ARHGEF11: variants seen among roughly 807,000 people sequenced by gnomAD.
ARHGEF11 encodes the protein Rho guanine exchange factor (GEF) 11.
In ARHGEF11, 55 loss-of-function variants were observed where a neutral mutation model predicts 193.7. That is an observed-to-expected ratio of 0.28 (90% CI 0.23 to 0.36). ARHGEF11 has a LOEUF of 0.36. ARHGEF11 is among the 10% of genes least tolerant of loss of function. The pLI, the probability that ARHGEF11 is intolerant of heterozygous loss-of-function variation, is 1.00. For synonymous variants in ARHGEF11, 693 were observed against 768.0 expected (o/e 0.90, Z 1.62); for missense variants, 1,723 against 2,005.6 (o/e 0.86, Z 2.69).
intron 1 of ARHGEF11, among the ~76,000 whole-genome samples, chr1:157,034,891 G>A (rs541973636): frequency 2.0e-4 from 30 of 152,332 alleles, no homozygotes; most frequent in Middle Eastern, 3.4e-3. Flanking sequence ...ATATAAAGGT[G>A]TAGGGTTTGG....
chr1:156,984,924 A>C (rs1003361578), intron 2 of ARHGEF11, among the ~76,000 whole-genome samples: 5 of 151,988 alleles, frequency 3.3e-5, no homozygotes, highest in African/African-American at 1.2e-4. Context: ...ATGCAGGGTG[A>C]CTTAGGAGTG....
chr1:156,955,615 G>A (rs1659838540), intron 20 of ARHGEF11, 88 bp downstream of exon 20: 1 of 1,036,732 alleles, frequency 9.6e-7, no homozygotes, highest in East Asian at 2.4e-5. Flanking sequence ...AGAAACACAG[G>A]AAGGCCCTCT....
At chr1:156,969,168 A>C in intron 10 of ARHGEF11, 114 bp downstream of exon 10, 1 of 828,572 alleles carries the variant, frequency 1.2e-6, no homozygotes, top group East Asian at 2.7e-5. Flanking sequence ...TGGAACTAGA[A>C]CGATGGAAGA....
intron 37 of ARHGEF11, 89 bp downstream of exon 37, chr1:156,939,459 G>C: frequency 6.4e-7 from 1 of 1,567,066 alleles, no homozygotes; most frequent in Non-Finnish European, 8.7e-7. Context: ...TACCCAGGGG[G>C]AGTATAGGGA....
At chr1:156,986,806 A>T (rs1487501992) in intron 1 of ARHGEF11, among the ~76,000 whole-genome samples, 2 of 152,178 alleles carry the variant, frequency 1.3e-5, no homozygotes, top group African/African-American at 4.8e-5. Flanking sequence ...CCGCTGGGTA[A>T]CTGGCAACTT....
chr1:156,973,840 T>C (rs1662879788), intron 7 of ARHGEF11, among the ~76,000 whole-genome samples: 1 of 152,248 alleles, frequency 6.6e-6, no homozygotes, highest in Non-Finnish European at 1.5e-5. Flanking sequence ...TTACTCCTGC[T>C]GTTCTTGTTA....
intron 1 of ARHGEF11, among the ~76,000 whole-genome samples, chr1:156,993,625 T>C (rs1326820036): frequency 6.6e-6 from 1 of 152,176 alleles, no homozygotes; most frequent in Non-Finnish European, 1.5e-5. Flanking sequence ...TACTGAACTC[T>C]GACCTGGTCT....
At chr1:157,014,765 T>C (rs1234302469) in intron 1 of ARHGEF11, among the ~76,000 whole-genome samples, 3 of 152,216 alleles carry the variant, frequency 2.0e-5, no homozygotes, top group African/African-American at 7.2e-5. Context: ...TTCAGAGCAT[T>C]TTCTTTTCCA....
At chr1:157,034,273 G>C (rs1198713230) in intron 1 of ARHGEF11, among the ~76,000 whole-genome samples, 1 of 152,150 alleles carries the variant, frequency 6.6e-6, no homozygotes, top group African/African-American at 2.4e-5. Context: ...CAGTCTCTTG[G>C]GGGGAAGTTT....
chr1:156,975,528 C>A (rs1193433020), intron 7 of ARHGEF11, among the ~76,000 whole-genome samples: 1 of 152,170 alleles, frequency 6.6e-6, no homozygotes, highest in Non-Finnish European at 1.5e-5. Context: ...TTGATAGAAT[C>A]CTTTGACATA....
At chr1:156,942,159 C>T (rs1657138161) in intron 33 of ARHGEF11, among the ~76,000 whole-genome samples, 170 bp from the exon 34 acceptor site, 1 of 152,224 alleles carries the variant, frequency 6.6e-6, no homozygotes, top group Non-Finnish European at 1.5e-5. Context: ...GGTTATATTA[C>T]TTGCAGCTAC....
chr1:156,984,390 C>T lies in ARHGEF11; in HGVS notation c.172G>A (p.Gly58Ser). Reference sequence around the variant, plus strand: ...ATGCGATCCCCACTGACTGTGAAGCCGAAGCCATGCTGGTCCTTTTGGATA... The same window carrying T: ...ATGCGATCCCCACTGACTGTGAAGCTGAAGCCATGCTGGTCCTTTTGGATA... ...VIIQKDQHGF[G>S]FTVSGDRIVL... Residue 58 changes from glycine to serine, a missense_variant, in exon 3 of 41, where the codon GGC becomes AGC. Coordinates refer to ENST00000368194, the MANE Select transcript of ARHGEF11 (RefSeq NM_198236.3). 1.3e-6 allele frequency: 2 copies of T among 1,599,566 alleles called. No homozygotes were observed. The highest frequency in any genetic ancestry group is 1.7e-6 in the Non-Finnish European group (2 of 1,172,984).
At chr1:157,012,044 G>A (rs1668607647) in intron 1 of ARHGEF11, among the ~76,000 whole-genome samples, 1 of 152,148 alleles carries the variant, frequency 6.6e-6, no homozygotes, top group African/African-American at 2.4e-5. Context: ...CATAGTAGCA[G>A]TATTTACAAA....
chr1:156,947,617 G>A, intron 25 of ARHGEF11, 152 bp downstream of exon 25: 1 of 1,323,330 alleles, frequency 7.6e-7, no homozygotes, highest in Non-Finnish European at 1.0e-6. Context: ...CCAGAACTGA[G>A]GGGAACCTTA....
chr1:156,956,382 T>C, intron 19 of ARHGEF11, 38 bp downstream of exon 19: 1 of 1,610,292 alleles, frequency 6.2e-7, no homozygotes, highest in Non-Finnish European at 8.5e-7. Context: ...TCCAAAGTAC[T>C]AGGATTACAG....
chr1:156,953,892 T>A (rs1659491065), intron 21 of ARHGEF11, among the ~76,000 whole-genome samples: 1 of 152,210 alleles, frequency 6.6e-6, no homozygotes, highest in Non-Finnish European at 1.5e-5. Flanking sequence ...TTAGGGTCAT[T>A]CTTTTTTCAC....
chr1:156,988,557 GA>G (rs1252020782), intron 1 of ARHGEF11, among the ~76,000 whole-genome samples: 1 of 152,156 alleles, frequency 6.6e-6, no homozygotes. Flanking sequence ...TTAAAGCCTA[GA>G]AGGTGCATCT....
In ARHGEF11 at chr1:156,980,457, C is replaced by T; in HGVS notation, c.253G>A (p.Glu85Lys). The T allele has an allele frequency of 6.2e-7, 1 of 1,603,942 alleles. No individual in the cohort carries two copies. The highest frequency in any genetic ancestry group is 8.5e-7 in the Non-Finnish European group (1 of 1,174,838). ...CTCACTTTGATGATCCGGTCGCCCT[C>T]TTTCACACCGGCCTTCATGGCTGCA... ...GGAAMKAGVK[E>K]GDRIIKVNGT... The change falls in exon 4 of 41, where the codon GAG becomes AAG. Residue 85 changes from glutamate (E) to lysine (K), a missense_variant. Coordinates refer to ENST00000368194, the MANE Select transcript of ARHGEF11 (RefSeq NM_198236.3).
chr1:157,039,471 C>T (rs1672470017), intron 1 of ARHGEF11, among the ~76,000 whole-genome samples: 1 of 152,184 alleles, frequency 6.6e-6, no homozygotes, highest in Non-Finnish European at 1.5e-5. Context: ...AACCTCCTTT[C>T]ACAAAAGATC....
Sources: gnomAD v4.1 joint callset for allele counts (sites outside exome capture counted in the v4.1 genomes callset) on GRCh38, gnomAD v4.1.1 for gene constraint, MANE v1.5 for transcripts, NCBI Gene and HGNC (gene_info 2026-07-23, HGNC 2026-07-21) for gene names.